Variants in LINGO4 observed in about 807,000 individuals in gnomAD.
The protein encoded by LINGO4 is leucine-rich repeat and immunoglobulin-like domain-containing nogo receptor-interacting protein 4.
A neutral mutation model predicts 27.9 loss-of-function variants in LINGO4; 22 were observed. That is an observed-to-expected ratio of 0.79 (90% CI 0.56 to 1.13). LINGO4 has a LOEUF of 1.13. Among genes scored for constraint, LINGO4 ranks in the 50% most tolerant of loss-of-function variants. LINGO4 has a pLI of 0.00. For synonymous variants in LINGO4, 306 were observed against 325.8 expected (o/e 0.94, Z 0.65); for missense variants, 706 against 739.4 (o/e 0.95, Z 0.52).
At chr1:151,805,021 G>C (rs1201502798) in intron 1 of LINGO4, among the ~76,000 whole-genome samples, 1 of 152,212 alleles carries the variant, frequency 6.6e-6, no homozygotes, top group East Asian at 1.9e-4. Context: ...ATGGAAGGGA[G>C]GTCTCCTTGG....
chr1:151,801,355 A>G lies in LINGO4; in HGVS notation c.1350T>C (p.Pro450=), dbSNP rs1472705512. ...DPAPTVSWMR[P]HGAWLGRAGR... is the part of the protein sequence containing the mutation. Reference sequence around the variant, plus strand: ...CAGCCCTGCCCAGCCAAGCCCCATGAGGCCTCATCCAGGAGACAGTGGGGG... The same window carrying G: ...CAGCCCTGCCCAGCCAAGCCCCATGGGGCCTCATCCAGGAGACAGTGGGGG... Residue 450 remains proline, a synonymous_variant, in exon 2 of 2, where the codon CCT becomes CCC. Transcript: ENST00000368820. This position sits in a 1 kb window ranked among gnomAD's most constrained non-coding sequence, Gnocchi z 5.7. 3 of 1,613,476 alleles carry G rather than the reference A, an allele frequency of 1.9e-6. No individual in the cohort carries two copies.
At position 151,801,580 on chromosome 1, in the gene LINGO4, G is replaced by A. The variant is rs1229490165; in HGVS notation, c.1125C>T (p.His375=). ...RLLWLLRLRR[H]LDFGMSPPAC... ...CAGGGGGGGACATGCCAAAGTCCAG[G>A]TGGCGGCGGAGCCGGAGCAGCCAGA... is the stretch of plus-strand genomic sequence containing the variant. Residue 375 remains histidine (H), a synonymous_variant, in exon 2 of 2, where the codon CAC becomes CAT. Transcript: ENST00000368820. This position sits in a 1 kb window ranked among gnomAD's most constrained non-coding sequence, Gnocchi z 5.7. 1.2e-6 allele frequency: 2 copies of A among 1,613,776 alleles called. No individual in the cohort carries two copies. The highest frequency in any genetic ancestry group is 1.7e-6 in the Non-Finnish European group (2 of 1,180,014).
chr1:151,804,250 G>A (rs1651226824), intron 1 of LINGO4, among the ~76,000 whole-genome samples: 1 of 152,146 alleles, frequency 6.6e-6, no homozygotes, highest in African/African-American at 2.4e-5. Context: ...CCACTTGAGA[G>A]GATTGTCCTA....
Position 151,801,199 on chromosome 1 carries a change from GATGACT to G in LINGO4, c.1500_1505del (p.Glu500_Ile502delinsAsp). ...GTGTGCCGTTTGGTGGTTCCACCTG[GATGACT>G]TCCAGCCAGGTCCTCAGGGAGTCAT... is the stretch of plus-strand genomic sequence containing the variant. On this transcript the variant is annotated inframe_deletion, in exon 2 of 2. Transcript: ENST00000368820. This position sits in a 1 kb window ranked among gnomAD's most constrained non-coding sequence, Gnocchi z 5.7. 6.2e-7 allele frequency: 1 copy of G among 1,614,164 alleles called. No homozygotes were observed. Among genetic ancestry groups the G allele is most frequent in the Non-Finnish European group, 8.5e-7 (1 of 1,180,026 alleles).
intron 1 of LINGO4, among the ~76,000 whole-genome samples, chr1:151,804,637 C>T (rs1197660560): frequency 6.6e-6 from 1 of 152,234 alleles, no homozygotes; most frequent in African/African-American, 2.4e-5. Flanking sequence ...CTGGAGCAAC[C>T]TATTTTATTT....
Position 151,802,173 on chromosome 1 carries a change from C to A in LINGO4, c.532G>T (p.Gly178Trp). 1 of 1,614,028 alleles carries A rather than the reference C, an allele frequency of 6.2e-7. No individual in the cohort carries two copies. The highest frequency in any genetic ancestry group is 8.5e-7 in the Non-Finnish European group (1 of 1,180,026). The stretch of plus-strand genomic sequence containing the variant: ...GTGAGGGTGCTCAACTTGGCTAGCC[C>A]TGCAAAGGCCCCCGGAGCCACAAAT... ...LVFVAPGAFA[G>W]LAKLSTLTLE... The change falls in exon 2 of 2, where the codon GGG (glycine) becomes TGG (tryptophan). Residue 178 changes from glycine to tryptophan, a missense_variant. Gly to Trp is a radical substitution (Grantham distance 184, BLOSUM62 -2). Coordinates refer to ENST00000368820, the MANE Select transcript of LINGO4 (RefSeq NM_001004432.4).
intron 1 of LINGO4, among the ~76,000 whole-genome samples, chr1:151,803,127 G>T (rs1274771093): frequency 1.3e-5 from 2 of 152,210 alleles, no homozygotes; most frequent in African/African-American, 4.8e-5. Flanking sequence ...CTCTTCCCAA[G>T]CTCTGCTCTG....
At position 151,801,752 on chromosome 1, in the gene LINGO4, T is replaced by C. The variant is rs1454610106; in HGVS notation, c.953A>G (p.His318Arg). 6.2e-7 allele frequency: 1 copy of C among 1,614,122 alleles called. No homozygotes were observed. The highest frequency in any genetic ancestry group is 8.5e-7 in the Non-Finnish European group (1 of 1,180,018). The change falls in exon 2 of 2, where the codon CAT (histidine) becomes CGT (arginine). Residue 318 changes from histidine (H) to arginine (R), a missense_variant. Physicochemically the swap from His to Arg is conservative, Grantham distance 29. Transcript: ENST00000368820. The surrounding 1 kb of genome is among the most constrained non-coding windows in gnomAD (Gnocchi z 5.7). ...SGACLTSIAA[H>R]AFHGLTAFHL... ...GAAGGCAGTCAAGCCATGGAAGGCATGGGCAGCAATGGAGGTGAGGCATGC... is the reference window on the plus strand; with the variant it reads ...GAAGGCAGTCAAGCCATGGAAGGCACGGGCAGCAATGGAGGTGAGGCATGC...
At chr1:151,803,088 G>A (rs1292796097) in intron 1 of LINGO4, among the ~76,000 whole-genome samples, 3 of 152,134 alleles carry the variant, frequency 2.0e-5, no homozygotes, top group Non-Finnish European at 4.4e-5. Flanking sequence ...GATCCAGGAG[G>A]ATCTCAGGTC....
At chr1:151,803,546 G>T (rs1651208868) in intron 1 of LINGO4, among the ~76,000 whole-genome samples, 1 of 152,214 alleles carries the variant, frequency 6.6e-6, no homozygotes, top group African/African-American at 2.4e-5. Context: ...GAGTTCTGTT[G>T]CTTGGTCTTC....
At chr1:151,803,078 G>C (rs1433744835) in intron 1 of LINGO4, among the ~76,000 whole-genome samples, 1 of 152,164 alleles carries the variant, frequency 6.6e-6, no homozygotes, top group East Asian at 1.9e-4. Flanking sequence ...ATGTCTGTGA[G>C]ATCCAGGAGG....
Position 151,802,548 on chromosome 1 carries a change from C to A in LINGO4, c.157G>T (p.Ala53Ser). 1.2e-6 allele frequency: 2 copies of A among 1,601,834 alleles called. No individual in the cohort carries two copies. Among genetic ancestry groups the A allele is most frequent in the Non-Finnish European group, 1.7e-6 (2 of 1,173,870 alleles). ...TCCAGTGGGAGTCCTCCAGGTACAGCCTCCAGTTGCCTGTGGCCACAGAGC... is the reference window on the plus strand; with the variant it reads ...TCCAGTGGGAGTCCTCCAGGTACAGACTCCAGTTGCCTGTGGCCACAGAGC... ...AVLCGHRQLEAVPGGLPLDTE... is the reference protein window; with the variant it reads ...AVLCGHRQLESVPGGLPLDTE... Residue 53 changes from alanine to serine, a missense_variant, in exon 2 of 2, where the codon GCT becomes TCT. Coordinates refer to ENST00000368820, the MANE Select transcript of LINGO4 (RefSeq NM_001004432.4).
At chr1:151,802,780 T>C (rs1651192213) in intron 1 of LINGO4, 63 bp from the exon 2 acceptor site, 1 of 1,175,530 alleles carries the variant, frequency 8.5e-7, no homozygotes, top group Non-Finnish European at 1.2e-6. Context: ...GACCCTGGAC[T>C]TCCTGGCCCT....
chr1:151,801,527 C>T lies in LINGO4; in HGVS notation c.1178G>A (p.Gly393Glu). The change falls in exon 2 of 2, where the codon GGG becomes GAG. Residue 393 changes from glycine to glutamate, a missense_variant. Coordinates refer to ENST00000368820, the MANE Select transcript of LINGO4 (RefSeq NM_001004432.4). This position sits in a 1 kb window ranked among gnomAD's most constrained non-coding sequence, Gnocchi z 5.7. ...GTCTGAAAACTCCTTCAGGCTCTTC[C>T]CCTGGACATGATGGGGGCCAGCACA... ...PACAGPHHVQ[G>E]KSLKEFSDIL... is the part of the protein sequence containing the mutation. The T allele has an allele frequency of 1.2e-6, 2 of 1,613,958 alleles. No homozygotes were observed. The highest frequency in any genetic ancestry group is 1.1e-5 in the South Asian group (1 of 91,078).
Position 151,802,018 on chromosome 1 carries a change from C to T in LINGO4, c.687G>A (p.Gln229=), listed in dbSNP as rs374452560. 1.9e-6 allele frequency: 3 copies of T among 1,614,038 alleles called. No homozygotes were observed. The highest frequency in any genetic ancestry group is 1.1e-5 in the South Asian group (1 of 91,092). Residue 229 remains glutamine, a synonymous_variant, in exon 2 of 2, where the codon CAG becomes CAA. Coordinates refer to ENST00000368820, the MANE Select transcript of LINGO4 (RefSeq NM_001004432.4). ...AGAGGTGGATCTCCAGCTCCTTGAG[C>T]TGCCCCAGCCCCCGCAGGGCCCCAG... ...LPAGALRGLG[Q]LKELEIHLWP...
Position 151,802,607 on chromosome 1 carries a change from G to T in LINGO4, c.98C>A (p.Ala33Asp). The T allele has an allele frequency of 6.3e-7, 1 of 1,599,332 alleles. No individual in the cohort carries two copies. The highest frequency in any genetic ancestry group is 8.5e-7 in the Non-Finnish European group (1 of 1,172,686). Reference sequence around the variant, plus strand: ...GGGCTGGGAGGTGCAGTCACACACAGCAGGGCAGCTGCCACCGCTCCCTCC... The same window carrying T: ...GGGCTGGGAGGTGCAGTCACACACATCAGGGCAGCTGCCACCGCTCCCTCC... Reference protein sequence around the residue: ...LPGGSGGSCPAVCDCTSQPQA... With the variant: ...LPGGSGGSCPDVCDCTSQPQA... Residue 33 changes from alanine (A) to aspartate (D), a missense_variant, in exon 2 of 2, where the codon GCT becomes GAT. Physicochemically the swap from Ala to Asp is moderately radical, Grantham distance 126 (BLOSUM62 -2). Coordinates refer to ENST00000368820, the MANE Select transcript of LINGO4 (RefSeq NM_001004432.4).
In LINGO4 at chr1:151,800,978, C is replaced by T. The variant is rs765786385; in HGVS notation, c.1727G>A (p.Arg576Gln). 1.9e-5 allele frequency: 30 copies of T among 1,613,784 alleles called. No homozygotes were observed. Among genetic ancestry groups the T allele is most frequent in the African/African-American group, 5.3e-5 (4 of 74,898 alleles). ...CCCAGAGTTTTTATCCCCAGAGGGCCGAGGTGCCACAAAGTCAAAGGTCAT... is the reference window on the plus strand; with the variant it reads ...CCCAGAGTTTTTATCCCCAGAGGGCTGAGGTGCCACAAAGTCAAAGGTCAT... ...HHMTFDFVAPRPSGDKNSGGN... is the reference protein window; with the variant it reads ...HHMTFDFVAPQPSGDKNSGGN... Residue 576 changes from arginine to glutamine, a missense_variant, in exon 2 of 2, where the codon CGG becomes CAG. Coordinates refer to ENST00000368820, the MANE Select transcript of LINGO4 (RefSeq NM_001004432.4).
chr1:151,804,964 C>T (rs896495352), intron 1 of LINGO4, among the ~76,000 whole-genome samples: 3 of 152,138 alleles, frequency 2.0e-5, no homozygotes, highest in Non-Finnish European at 4.4e-5. Context: ...AGATCCACAC[C>T]GATTGTGGAG....
rs780645621 is a variant in LINGO4 at position 151,802,186 on chromosome 1, C to T, written c.519G>A (p.Pro173=). The change falls in exon 2 of 2, where the codon CCG becomes CCA. Residue 173 remains proline, a synonymous_variant. Transcript: ENST00000368820. Reference sequence around the variant, plus strand: ...ACTTGGCTAGCCCTGCAAAGGCCCCCGGAGCCACAAATACCAGGTGGTTGT... The same window carrying T: ...ACTTGGCTAGCCCTGCAAAGGCCCCTGGAGCCACAAATACCAGGTGGTTGT... ...VGDNHLVFVA[P]GAFAGLAKLS... 2.5e-5 allele frequency: 41 copies of T among 1,613,960 alleles called. No individual in the cohort carries two copies. Among genetic ancestry groups the T allele is most frequent in the Admixed American group, 1.0e-4 (6 of 59,996 alleles).
Sources: gnomAD v4.1 joint callset for allele counts (sites outside exome capture counted in the v4.1 genomes callset) on GRCh38, gnomAD v4.1.1 for gene constraint, Gnocchi (gnomAD v3.1) non-coding constraint, MANE v1.5 for transcripts, NCBI Gene and HGNC (gene_info 2026-07-23, HGNC 2026-07-21) for gene names.